Variants in NBPF11 observed in about 807,000 individuals in gnomAD.
The protein encoded by NBPF11 is NBPF member 11, also known as NBPF family member NBPF11.
In NBPF11, 72 loss-of-function variants were observed where a neutral mutation model predicts 93.9. That is an observed-to-expected ratio of 0.77 (90% confidence interval 0.63 to 0.93). The LOEUF (loss-of-function observed/expected upper bound fraction) is 0.93. NBPF11 is among the 40% of genes least tolerant of loss of function. NBPF11 has a pLI of 0.00. For synonymous variants in NBPF11, 224 were observed against 304.9 expected, an observed-to-expected ratio of 0.73 and a Z score of 2.76; for missense variants, 705 against 802.2, an observed-to-expected ratio of 0.88 and a Z score of 1.46.
chr1:148,121,404 G>A (rs1167031534), intron 9 of NBPF11, among the ~76,000 whole-genome samples: 1 of 146,292 alleles, frequency 6.8e-6, no homozygotes, highest in African/African-American at 2.6e-5. Flanking sequence ...CTGGAGTGCA[G>A]TGCCACAGTC....
Position 148,109,545 on chromosome 1 carries a change from T to G in NBPF11, c.1802-210A>C, listed in dbSNP as rs1664745661. The G allele has an allele frequency of 6.3e-6, 4 of 634,872 alleles. No homozygotes were observed. The Admixed American group carries it at 9.7e-5, about 15-fold the overall frequency. 39.3% of individuals were successfully genotyped at this position (634,872 alleles called of 1,614,324 possible). ...GAGCCTTGGGCAAAATTCCCCTGTG[T>G]TGGAATGTTATTTTCCCTATGTGCT... On this transcript the variant is annotated intron_variant, in intron 16 of 23. Coordinates refer to ENST00000682118, the MANE Select transcript of NBPF11 (RefSeq NM_001385469.3).
At position 148,132,593 on chromosome 1, in the gene NBPF11, T is replaced by C. The variant is rs1213459458; in HGVS notation, c.-36+3079A>G. Among the ~76,000 whole-genome samples the C allele has an allele frequency of 7.1e-3, 1,069 of 149,890 alleles. 13 individuals are homozygous for C. The highest frequency in any genetic ancestry group is 7.6e-3 in the Non-Finnish European group (511 of 67,558). On this transcript the variant is annotated intron_variant, in intron 4 of 23. Transcript: ENST00000682118. ...AGATCAATTTACGAAGAACTGACTC[T>C]TTAAACATAACAACTCTTCTGATCC...
chr1:148,117,983 C>T (rs1666968062), intron 11 of NBPF11, among the ~76,000 whole-genome samples, 197 bp from the exon 12 acceptor site: 1 of 151,500 alleles, frequency 6.6e-6, no homozygotes, highest in Non-Finnish European at 1.5e-5. Context: ...AGAGAGGGCT[C>T]CTGCAAGATC....
Position 148,124,917 on chromosome 1 carries a change from T to C in NBPF11, c.260A>G (p.Lys87Arg), listed in dbSNP as rs1553272654. Reference sequence around the variant, plus strand: ...CCCTCACCTGAGCTCCTCAGCTTGCTTGAGCTGCTCTGCAAGCTTCTCCTC... The same window carrying C: ...CCCTCACCTGAGCTCCTCAGCTTGCCTGAGCTGCTCTGCAAGCTTCTCCTC... ...FKEEKLAEQL[K>R]QAEELRQYKV... The change falls in exon 6 of 24, where the codon AAG becomes AGG. Residue 87 changes from lysine to arginine, a missense_variant. By Grantham distance (26) the Lys-to-Arg change is conservative. This residue lies in a region of NBPF11 where 128 missense variants were observed against 112.8 expected (regional missense o/e 1.14). Transcript: ENST00000682118. 3 of 1,610,264 alleles carry C rather than the reference T, an allele frequency of 1.9e-6. No homozygotes were observed. Among genetic ancestry groups the C allele is most frequent in the Non-Finnish European group, 2.5e-6 (3 of 1,179,928 alleles).
chr1:148,134,833 C>G (rs1178224734), intron 4 of NBPF11, among the ~76,000 whole-genome samples: 1 of 151,908 alleles, frequency 6.6e-6, no homozygotes, highest in Admixed American at 6.5e-5. Flanking sequence ...CACAGACAAC[C>G]ACAGACCACA....
intron 1 of NBPF11, chr1:148,146,521 C>G (rs1298477558): frequency 3.1e-6 from 5 of 1,603,320 alleles, no homozygotes; most frequent in African/African-American, 1.3e-5. Context: ...TGAGCCCGAG[C>G]TGGGGCCTGG....
rs1471716801 is a variant in NBPF11 at position 148,122,039 on chromosome 1, G to A, written c.778+16C>T. 2 of 1,579,108 alleles carry A rather than the reference G, an allele frequency of 1.3e-6. No individual in the cohort carries two copies. Among genetic ancestry groups the A allele is most frequent in the Non-Finnish European group, 1.7e-6 (2 of 1,148,828 alleles). ...GCCTAGACAGAGGTATGAGACACAAGGAAAATAGAGGCTACCTGGGAGAAT... is the reference window on the plus strand; with the variant it reads ...GCCTAGACAGAGGTATGAGACACAAAGAAAATAGAGGCTACCTGGGAGAAT... On this transcript the variant is annotated intron_variant, in intron 9 of 23. Coordinates refer to ENST00000682118, the MANE Select transcript of NBPF11 (RefSeq NM_001385469.3).
At chr1:148,129,039 C>G (rs1298989864) in intron 4 of NBPF11, among the ~76,000 whole-genome samples, 67 of 147,912 alleles carry the variant, frequency 4.5e-4, no homozygotes, top group Admixed American at 4.4e-3. Flanking sequence ...AGGATATATA[C>G]CTGGTGTAAA....
chr1:148,113,227 C>G (rs1208571845), intron 15 of NBPF11, among the ~76,000 whole-genome samples: 1 of 151,932 alleles, frequency 6.6e-6, no homozygotes, highest in African/African-American at 2.4e-5. Flanking sequence ...GAAAACCCAT[C>G]TCACATGCAG....
chr1:148,111,437 G>A (rs1321980009), intron 15 of NBPF11, among the ~76,000 whole-genome samples: 32 of 152,042 alleles, frequency 2.1e-4, no homozygotes, highest in African/African-American at 7.3e-4. Flanking sequence ...TCAGAAAGTC[G>A]GTAATAACAA....
At chr1:148,107,375 G>GA in intron 19 of NBPF11, among the ~76,000 whole-genome samples, 1 of 150,814 alleles carries the variant, frequency 6.6e-6, no homozygotes, top group Non-Finnish European at 1.5e-5. Flanking sequence ...CTGATGAAGG[G>GA]GTCAAAGGAC....
At chr1:148,151,462 C>T (rs1648303622) in intron 1 of NBPF11, among the ~76,000 whole-genome samples, 1 of 152,040 alleles carries the variant, frequency 6.6e-6, no homozygotes, top group Admixed American at 6.5e-5. Context: ...AAGACGTGCC[C>T]CCGAAGCTGC....
Position 148,120,533 on chromosome 1 carries a change from G to C in NBPF11, c.956C>G (p.Ala319Gly), listed in dbSNP as rs1667584386. The C allele has an allele frequency of 1.0e-6, 1 of 954,886 alleles. No individual in the cohort carries two copies. Among genetic ancestry groups the C allele is most frequent in the Non-Finnish European group, 1.7e-6 (1 of 578,706 alleles). 59.2% of individuals were successfully genotyped at this position (954,886 alleles called of 1,614,324 possible). A position where few individuals can be genotyped will look rare whatever the true frequency, so the allele number is the denominator to read the frequency against. ...GTTCTGCTGCTTGGCCAGGAAGCAG[G>C]CCACTTGAGTTACAAAACATTTCTC... ...LKEKCFVTQV[A>G]CFLAKQQNKY... is the part of the protein sequence containing the mutation. The change falls in exon 10 of 24, where the codon GCC becomes GGC. Residue 319 changes from alanine (A) to glycine (G), a missense_variant. Physicochemically the swap from Ala to Gly is moderately conservative, Grantham distance 60 (BLOSUM62 0). Transcript: ENST00000682118.
In NBPF11 at chr1:148,111,010, C is replaced by T. The variant is rs1385503451; in HGVS notation, c.1638-469G>A. 1.3e-4 allele frequency among the ~76,000 whole-genome samples: 20 copies of T among 151,344 alleles called. No individual in the cohort carries two copies. In the East Asian group the frequency reaches 2.1e-3, roughly 16 times the overall value. On this transcript the variant is annotated intron_variant, in intron 15 of 23. Transcript: ENST00000682118. ...ATTTCTTTTCTTGCAAAAATACTAG[C>T]CAACATACTACCAACAAATGGGAAG...
At chr1:148,108,400 A>C (rs1664313424) in intron 18 of NBPF11, 82 bp downstream of exon 18, 3 of 890,018 alleles carry the variant, frequency 3.4e-6, no homozygotes, top group Non-Finnish European at 5.6e-6. Context: ...CTCTCAGCTC[A>C]GTAAGGGCCA....
chr1:148,108,762 C>G (rs1396650400), intron 17 of NBPF11, 108 bp from the exon 18 acceptor site: 50 of 749,126 alleles, frequency 6.7e-5, no homozygotes, highest in East Asian at 4.7e-4. Context: ...AGAAAAAGGA[C>G]AGATCCATTA....
At chr1:148,118,299 G>A (rs1259159895) in intron 11 of NBPF11, among the ~76,000 whole-genome samples, 200 of 152,004 alleles carry the variant, frequency 1.3e-3, no homozygotes, top group African/African-American at 4.7e-3. Context: ...GGTAAGTGGG[G>A]TGGTGATGGC....
At chr1:148,116,934 T>C (rs1188165408) in intron 12 of NBPF11, among the ~76,000 whole-genome samples, 1 of 152,226 alleles carries the variant, frequency 6.6e-6, no homozygotes, top group South Asian at 2.1e-4. Context: ...CACAGTCCTC[T>C]ATGCATCAGA....
At chr1:148,141,007 C>G (rs1454177638) in intron 2 of NBPF11, among the ~76,000 whole-genome samples, 15 of 151,956 alleles carry the variant, frequency 9.9e-5, no homozygotes, top group African/African-American at 3.6e-4. Context: ...CATGAAAAGG[C>G]GTGGAGGAAC....
Sources: gnomAD v4.1 joint callset for allele counts (sites outside exome capture counted in the v4.1 genomes callset) on GRCh38, gnomAD v4.1.1 for gene constraint, gnomAD v4.1.1 regional missense constraint, MANE v1.5 for transcripts, NCBI Gene and HGNC (gene_info 2026-07-23, HGNC 2026-07-21) for gene names.